LINGO2: variants seen among roughly 807,000 people sequenced by gnomAD.
The protein encoded by LINGO2 is leucine-rich repeat and immunoglobulin-like domain-containing nogo receptor-interacting protein 2.
A neutral mutation model predicts 30.6 loss-of-function variants in LINGO2; 14 were observed. That is an observed-to-expected ratio of 0.46 (90% CI 0.30 to 0.72). The LOEUF (loss-of-function observed/expected upper bound fraction) is 0.72. LINGO2 is among the 30% of genes least tolerant of loss of function. The pLI is 0.07. For missense variants in LINGO2, 729 were observed against 751.7 expected, an observed-to-expected ratio of 0.97 and a Z score of 0.35; for synonymous variants, 317 against 288.5, an observed-to-expected ratio of 1.10 and a Z score of -1.00.
At chr9:28,509,879 T>C (rs1000380921) in intron 1 of LINGO2, among the ~76,000 whole-genome samples, 1 of 152,246 alleles carries the variant, frequency 6.6e-6, no homozygotes, top group Non-Finnish European at 1.5e-5. Context: ...ATTTAACTTA[T>C]TGTGATATTT....
intron 1 of LINGO2, among the ~76,000 whole-genome samples, chr9:28,539,488 A>C (rs990283864): frequency 6.6e-6 from 1 of 151,964 alleles, no homozygotes; most frequent in African/African-American, 2.4e-5. Flanking sequence ...ACACACATGA[A>C]ATTTTAGCAA....
the LINGO2 span, among the ~76,000 whole-genome samples, chr9:29,175,802 T>A: frequency 1.3e-5 from 2 of 152,212 alleles, no homozygotes; most frequent in African/African-American, 2.4e-5. Context: ...ATAATTTTTT[T>A]AAAAAGCGTA....
At chr9:28,146,837 A>T (rs1827828956) in intron 4 of LINGO2, among the ~76,000 whole-genome samples, 1 of 152,230 alleles carries the variant, frequency 6.6e-6, no homozygotes, top group Non-Finnish European at 1.5e-5. Context: ...ATGAACTTGT[A>T]AATAATGTAT....
chr9:28,445,525 G>C (rs1187361674), intron 2 of LINGO2, among the ~76,000 whole-genome samples: 2 of 152,204 alleles, frequency 1.3e-5, no homozygotes, highest in Admixed American at 1.3e-4. Flanking sequence ...AGACAAAATA[G>C]TGTCACCATC....
At chr9:29,046,481 C>T in the LINGO2 span, among the ~76,000 whole-genome samples, 3 of 152,058 alleles carry the variant, frequency 2.0e-5, no homozygotes, top group South Asian at 6.2e-4. Context: ...AAAAAGCCAA[C>T]AAAAACAATG....
intron 3 of LINGO2, among the ~76,000 whole-genome samples, chr9:28,297,555 C>G (rs147906305): frequency 2.6e-5 from 4 of 152,208 alleles, no homozygotes; most frequent in South Asian, 2.1e-4. Context: ...AGATGATTAG[C>G]CTTACCTTAT....
chr9:28,534,974 T>A (rs999176768), intron 1 of LINGO2, among the ~76,000 whole-genome samples: 1 of 152,168 alleles, frequency 6.6e-6, no homozygotes, highest in African/African-American at 2.4e-5. Flanking sequence ...ACACACTTTT[T>A]AAAAGCATAA....
the LINGO2 span, chr9:27,941,723 AAG>A: frequency 6.6e-6 from 1 of 152,232 alleles, no homozygotes; most frequent in Non-Finnish European, 1.5e-5. Context: ...ACGAAAGGTA[AAG>A]AGAGGGCACC....
chr9:28,454,621 C>T (rs1468771545), intron 2 of LINGO2, among the ~76,000 whole-genome samples: 2 of 151,682 alleles, frequency 1.3e-5, no homozygotes, highest in Non-Finnish European at 2.9e-5. Context: ...ATATTCTGTA[C>T]TGTATAAGTT....
intron 3 of LINGO2, among the ~76,000 whole-genome samples, chr9:28,348,681 C>T (rs1819702656): frequency 6.6e-6 from 1 of 151,950 alleles, no homozygotes; most frequent in Non-Finnish European, 1.5e-5. Context: ...TCTGTAGGCT[C>T]CACCTCTGGG....
At chr9:27,988,106 G>GT (rs1185563050) in intron 5 of LINGO2, among the ~76,000 whole-genome samples, 1 of 151,872 alleles carries the variant, frequency 6.6e-6, no homozygotes, top group Non-Finnish European at 1.5e-5. Flanking sequence ...TGTGGTGTTT[G>GT]TTTTTTTGTC....
At chr9:27,966,796 C>T (rs780380186) in intron 5 of LINGO2, among the ~76,000 whole-genome samples, 15 of 152,018 alleles carry the variant, frequency 9.9e-5, no homozygotes, top group Non-Finnish European at 2.1e-4. Flanking sequence ...AGTTTGGCTG[C>T]CTTCTGTGAT....
chr9:28,905,415 C>G, the LINGO2 span, among the ~76,000 whole-genome samples: 3 of 151,522 alleles, frequency 2.0e-5, no homozygotes, highest in East Asian at 5.8e-4. Context: ...GGTTCACATT[C>G]AAAATATATC....
intron 1 of LINGO2, among the ~76,000 whole-genome samples, chr9:28,635,389 G>C (rs1389985891): frequency 6.6e-6 from 1 of 152,092 alleles, no homozygotes; most frequent in African/African-American, 2.4e-5. Flanking sequence ...ATGATGGGTG[G>C]TATCATGATG....
At chr9:28,792,766 T>A in the LINGO2 span, among the ~76,000 whole-genome samples, 1 of 152,148 alleles carries the variant, frequency 6.6e-6, no homozygotes, top group Admixed American at 6.5e-5. Context: ...ATACCTAGAG[T>A]GCTTATGAAG....
At chr9:28,377,644 A>G (rs955664962) in intron 2 of LINGO2, among the ~76,000 whole-genome samples, 4 of 152,174 alleles carry the variant, frequency 2.6e-5, no homozygotes, top group African/African-American at 9.7e-5. Flanking sequence ...AATGTATCTC[A>G]GCACTCATTC....
the LINGO2 span, among the ~76,000 whole-genome samples, chr9:28,868,645 G>C: frequency 4.7e-4 from 71 of 152,194 alleles, no homozygotes; most frequent in East Asian, 0.012. Context: ...TGAGAGAACA[G>C]AAAACAAATA....
intron 2 of LINGO2, among the ~76,000 whole-genome samples, chr9:28,390,721 C>T (rs1178385046): frequency 6.6e-6 from 1 of 152,140 alleles, no homozygotes; most frequent in Non-Finnish European, 1.5e-5. Flanking sequence ...TCTGACTTCT[C>T]CTAGGTAAAA....
the LINGO2 span, among the ~76,000 whole-genome samples, chr9:29,129,456 T>C: frequency 6.6e-6 from 1 of 152,122 alleles, no homozygotes; most frequent in African/African-American, 2.4e-5. Context: ...AAGAAAGCGT[T>C]ATGATATGGG....
Sources: allele counts gnomAD v4.1 joint callset (sites outside exome capture counted in the v4.1 genomes callset), GRCh38; gene constraint gnomAD v4.1.1; transcripts MANE v1.5; gene names NCBI Gene and HGNC (gene_info 2026-07-23, HGNC 2026-07-21).